The following UROC1 variants were observed in gnomAD, a reference collection of about 807,000 sequenced individuals.
The protein encoded by UROC1 is urocanate hydratase 1, also known as urocanate hydratase.
A neutral mutation model predicts 89.5 loss-of-function variants in UROC1; 79 were observed. That is an observed-to-expected ratio of 0.88 (90% confidence interval 0.74 to 1.06). The LOEUF (loss-of-function observed/expected upper bound fraction) is 1.06, where lower values mean the gene tolerates loss of function less well. Among genes scored for constraint, UROC1 ranks in the 50% least tolerant of loss-of-function variants. The pLI is 0.00. For missense variants in UROC1, 885 were observed against 907.8 expected, an observed-to-expected ratio of 0.97 and a Z score of 0.32; for synonymous variants, 361 against 354.8, an observed-to-expected ratio of 1.02 and a Z score of -0.20.
At chr3:126,508,540 G>A in intron 3 of UROC1, 65 bp from the exon 4 acceptor site, 1 of 1,390,224 alleles carries the variant, frequency 7.2e-7, no homozygotes. Flanking sequence ...TGCAGACAGG[G>A]AGAGAAAGGG....
chr3:126,510,944 C>T (rs935548936), intron 1 of UROC1, 150 bp from the exon 2 acceptor site: 9 of 1,264,204 alleles, frequency 7.1e-6, no homozygotes, highest in Non-Finnish European at 9.7e-6. Context: ...TCACCCCAGG[C>T]CCATCTACAG....
intron 1 of UROC1, among the ~76,000 whole-genome samples, chr3:126,514,703 A>G (rs958949374): frequency 6.6e-6 from 1 of 151,930 alleles, no homozygotes; most frequent in African/African-American, 2.4e-5. Flanking sequence ...CACTGCATAG[A>G]TGCATAGAAT....
chr3:126,504,201 AAC>A (rs1936003833), intron 8 of UROC1, 118 bp from the exon 9 acceptor site: 3 of 1,001,352 alleles, frequency 3.0e-6, no homozygotes, highest in Middle Eastern at 2.2e-4. Flanking sequence ...GCTTTTCTAT[AAC>A]ACAGTCTCAG....
rs113100102 is a variant in UROC1 at position 126,507,866 on chromosome 3, G to T, written c.541-63C>A. On this transcript the variant is annotated intron_variant, in intron 5 of 19. Transcript: ENST00000290868. ...GCTTGGAGGGCGAGCACAGAGCCCT[G>T]GGGATGATGCACAGCGTTGGGGCAC... 2.0e-4 allele frequency: 316 copies of T among 1,612,876 alleles called. 3 individuals are homozygous for T. In the African/African-American group the frequency reaches 3.4e-3, roughly 17 times the overall value.
Position 126,500,775 on chromosome 3 carries a change from G to A in UROC1, c.1065C>T (p.Tyr355=), listed in dbSNP as rs545787954. 3.7e-6 allele frequency: 6 copies of A among 1,614,118 alleles called. No homozygotes were observed. The South Asian group carries it at 5.5e-5, about 15-fold the overall frequency. The change falls in exon 11 of 20, where the codon TAC becomes TAT. Residue 355 remains tyrosine, a synonymous_variant. Coordinates refer to ENST00000290868, the MANE Select transcript of UROC1 (RefSeq NM_144639.3). Reference sequence around the variant, plus strand: ...CCTCCGTGAAGCTGAGCTGCACAGGGTAGTAGCCGCCATTGAACGGGTTGT... The same window carrying A: ...CCTCCGTGAAGCTGAGCTGCACAGGATAGTAGCCGCCATTGAACGGGTTGT... ...SCHNPFNGGY[Y]PVQLSFTEAQ...
chr3:126,505,773 A>G lies in UROC1; in HGVS notation c.741T>C (p.Ser247=), dbSNP rs754379684. ...EDLAGKVFVT[S]GLGGMSGAQA... The stretch of plus-strand genomic sequence containing the variant: ...GAGCCCCACTCATTCCGCCGAGCCC[A>G]GAGGTGACAAAGACCTTCCCAGCCA... The change falls in exon 8 of 20, where the codon TCT becomes TCC. Residue 247 remains serine (S), a synonymous_variant. Transcript: ENST00000290868. 2 of 1,613,924 alleles carry G rather than the reference A, an allele frequency of 1.2e-6. No homozygotes were observed. The highest frequency in any genetic ancestry group is 1.7e-6 in the Non-Finnish European group (2 of 1,180,022).
rs538840811 is a variant in UROC1, at chr3:126,483,622, G to A, written c.1791-154C>T. 1.2e-4 allele frequency among the ~76,000 whole-genome samples: 18 copies of A among 152,366 alleles called. No individual in the cohort carries two copies. The South Asian group carries it at 2.3e-3, about 19-fold the overall frequency. ...CTGCAACCTGGTGGATGCAGGAGTC[G>A]TGCAGGCAAGCACAGCTGGGAGCAG... On this transcript the variant is annotated intron_variant, in intron 18 of 19. Coordinates refer to ENST00000290868, the MANE Select transcript of UROC1 (RefSeq NM_144639.3).
chr3:126,490,426 C>T (rs909893850), intron 16 of UROC1, among the ~76,000 whole-genome samples: 2 of 152,182 alleles, frequency 1.3e-5, no homozygotes. Flanking sequence ...GTGGCTCATT[C>T]TTGTAATCGT....
rs907501386 is a variant in UROC1 at position 126,502,036 on chromosome 3, A to G, written c.903-756T>C. 8.1e-5 allele frequency: 113 copies of G among 1,401,086 alleles called. No homozygotes were observed. The Middle Eastern group carries it at 1.2e-3, about 15-fold the overall frequency. 86.8% of individuals were successfully genotyped at this position (1,401,086 alleles called of 1,614,324 possible). On this transcript the variant is annotated intron_variant, in intron 9 of 19. Coordinates refer to ENST00000290868, the MANE Select transcript of UROC1 (RefSeq NM_144639.3). ...GGAAGTGTGGCAGACAGGTTGCTCG[A>G]GACAGTTCCTTAAACTGATTTTGAT... is the stretch of plus-strand genomic sequence containing the variant.
At chr3:126,487,376 G>A (rs1257294939) in intron 18 of UROC1, among the ~76,000 whole-genome samples, 1 of 152,252 alleles carries the variant, frequency 6.6e-6, no homozygotes, top group Non-Finnish European at 1.5e-5. Context: ...TATAGCCCCT[G>A]TGTTGGAAAG....
At position 126,482,386 on chromosome 3, in the gene UROC1, C is replaced by G. The variant is rs771977054; in HGVS notation, c.1990G>C (p.Val664Leu). The change falls in exon 20 of 20, where the codon GTG (valine) becomes CTG (leucine). Residue 664 changes from valine to leucine, a missense_variant. By Grantham distance (32) the Val-to-Leu change is conservative. Coordinates refer to ENST00000290868, the MANE Select transcript of UROC1 (RefSeq NM_144639.3). The part of the protein sequence containing the change: ...STLVVTLPHK[V>L]EDERVLQQAL... ...TGCTGGAGCACCCGCTCGTCCTCCA[C>G]CTTGTGAGGCAGTGTCACCACCAAG... 1 of 1,613,880 alleles carries G rather than the reference C, an allele frequency of 6.2e-7. No individual in the cohort carries two copies.
intron 15 of UROC1, 47 bp downstream of exon 15, chr3:126,495,991 T>C: frequency 1.9e-6 from 3 of 1,590,172 alleles, no homozygotes; most frequent in Non-Finnish European, 1.7e-6. Flanking sequence ...TTGGGCAGTC[T>C]TCTGACAGCA....
chr3:126,502,567 T>C (rs1935956707), intron 9 of UROC1, among the ~76,000 whole-genome samples: 1 of 151,786 alleles, frequency 6.6e-6, no homozygotes, highest in African/African-American at 2.4e-5. Context: ...TGTTTATGCA[T>C]GTTTGTGTTT....
Position 126,492,464 on chromosome 3 carries a change from G to T in UROC1, c.1562C>A (p.Ala521Asp). 3 of 1,613,626 alleles carry T rather than the reference G, an allele frequency of 1.9e-6. No individual in the cohort carries two copies. Among genetic ancestry groups the T allele is most frequent in the Non-Finnish European group, 1.7e-6 (2 of 1,179,992 alleles). Residue 521 changes from alanine to aspartate, a missense_variant, in exon 16 of 20, where the codon GCC (alanine) becomes GAC (aspartate). Coordinates refer to ENST00000290868, the MANE Select transcript of UROC1 (RefSeq NM_144639.3). ...GGCCTGGTTAATGGCCACAGCGATGGCCACGCGGCCCTTCTGGTCTGAGTA... is the reference window on the plus strand; with the variant it reads ...GGCCTGGTTAATGGCCACAGCGATGTCCACGCGGCCCTTCTGGTCTGAGTA... Reference protein sequence around the residue: ...ILYSDQKGRVAIAVAINQAIA... With the variant: ...ILYSDQKGRVDIAVAINQAIA...
At chr3:126,497,325 T>C (rs993012300) in intron 14 of UROC1, among the ~76,000 whole-genome samples, 6 of 152,130 alleles carry the variant, frequency 3.9e-5, no homozygotes, top group Non-Finnish European at 7.3e-5. Context: ...ACAGAGGAAG[T>C]GTCATAAAAT....
chr3:126,503,344 C>G (rs778719152), intron 9 of UROC1, among the ~76,000 whole-genome samples: 3 of 152,218 alleles, frequency 2.0e-5, no homozygotes, highest in Non-Finnish European at 4.4e-5. Flanking sequence ...TGTGTCTTCC[C>G]GTAACAGGAC....
In UROC1 at chr3:126,482,542, G is replaced by A. The variant is rs926606818; in HGVS notation, c.1891-57C>T. On this transcript the variant is annotated intron_variant, in intron 19 of 19. Coordinates refer to ENST00000290868, the MANE Select transcript of UROC1 (RefSeq NM_144639.3). ...CAACATAACCGGGCTCCCCACGTGA[G>A]TCTTGGCTCCCACACTTGGGGCCTC... 3 of 1,612,668 alleles carry A rather than the reference G, an allele frequency of 1.9e-6. No homozygotes were observed. The African/African-American group carries it at 4.0e-5, about 22-fold the overall frequency.
intron 9 of UROC1, among the ~76,000 whole-genome samples, chr3:126,502,214 CTGTG>C (rs1223431872): frequency 1.4e-5 from 2 of 143,922 alleles, no homozygotes; most frequent in African/African-American, 5.2e-5. Context: ...GTGTGTGTGT[CTGTG>C]TGTGTTTATG....
intron 9 of UROC1, chr3:126,501,678 A>G (rs1361038681): frequency 3.3e-5 from 42 of 1,256,018 alleles, no homozygotes; most frequent in Non-Finnish European, 3.7e-5. Flanking sequence ...GACAGGAAAA[A>G]TCAAAGCATA....
Sources: gnomAD v4.1 joint callset for allele counts (sites outside exome capture counted in the v4.1 genomes callset) on GRCh38, gnomAD v4.1.1 for gene constraint, MANE v1.5 for transcripts, NCBI Gene and HGNC (gene_info 2026-07-23, HGNC 2026-07-21) for gene names.